Variants in USP33 observed in about 807,000 individuals in gnomAD.
USP33 encodes ubiquitin carboxyl-terminal hydrolase 33.
USP33 carries 46 observed loss-of-function variants against 124.2 expected under a neutral mutation model. That is an observed-to-expected ratio of 0.37 (90% CI 0.29 to 0.47). The LOEUF (loss-of-function observed/expected upper bound fraction) is 0.47, where lower values mean the gene tolerates loss of function less well. USP33 is among the 20% of genes least tolerant of loss of function. The probability of loss-of-function intolerance (pLI) is 0.99; values close to 1 mark genes in which losing one functional copy is unlikely to be tolerated. For missense variants in USP33, 851 were observed against 1,070.6 expected (o/e 0.79, Z 2.86); for synonymous variants, 350 against 352.3 (o/e 0.99, Z 0.07).
chr1:77,721,389 A>T (rs1676544180), intron 14 of USP33, 184 bp from the exon 15 acceptor site: 7 of 613,410 alleles, frequency 1.1e-5, no homozygotes, highest in Non-Finnish European at 2.0e-5. Context: ...TCCTGCCAAC[A>T]TTGAAGACCT....
Position 77,733,572 on chromosome 1 carries a change from A to C in USP33, c.524+775T>G, listed in dbSNP as rs552140925. On this transcript the variant is annotated intron_variant, in intron 7 of 23. Coordinates refer to ENST00000370794, the MANE Select transcript of USP33 (RefSeq NM_201624.3). ...TATTTGGGGAAGAAGTACAGCTTTAATATCCCTAATACAAAATACAAAATT... is the reference window on the plus strand; with the variant it reads ...TATTTGGGGAAGAAGTACAGCTTTACTATCCCTAATACAAAATACAAAATT... 5.9e-5 allele frequency among the ~76,000 whole-genome samples: 9 copies of C among 152,342 alleles called. No homozygotes were observed. In the South Asian group the frequency reaches 1.9e-3, roughly 32 times the overall value.
At position 77,728,419 on chromosome 1, in the gene USP33, C is replaced by T. The variant is rs1677408427; in HGVS notation, c.1011G>A (p.Met337Ile). ...EMSKDWQKEK[M>I]CNKINKVNSE... ...AATTTACTTTATTAATCTTATTGCA[C>T]ATCTTCTCTTTTTGCCAATCCTTTG... The change falls in exon 10 of 24, where the codon ATG becomes ATA. Residue 337 changes from methionine to isoleucine, a missense_variant. Met to Ile is a conservative substitution (Grantham distance 10, BLOSUM62 1). Coordinates refer to ENST00000370794, the MANE Select transcript of USP33 (RefSeq NM_201624.3). The T allele has an allele frequency of 6.2e-7, 1 of 1,613,936 alleles. No homozygotes were observed. The highest frequency in any genetic ancestry group is 1.7e-5 in the Admixed American group (1 of 59,998).
At chr1:77,716,332 T>C (rs1488119270) in intron 17 of USP33, among the ~76,000 whole-genome samples, 1 of 152,162 alleles carries the variant, frequency 6.6e-6, no homozygotes, top group African/African-American at 2.4e-5. Flanking sequence ...GGTGCTGGGA[T>C]TACAGGCATG....
intron 21 of USP33, among the ~76,000 whole-genome samples, chr1:77,709,334 C>T (rs900674827): frequency 1.3e-5 from 2 of 151,996 alleles, no homozygotes; most frequent in Admixed American, 6.6e-5. Flanking sequence ...GACAGCAAGA[C>T]ACTGTCTCTA....
intron 22 of USP33, among the ~76,000 whole-genome samples, 166 bp from the exon 23 acceptor site, chr1:77,698,097 G>A (rs373362885): frequency 4.1e-5 from 6 of 147,168 alleles, no homozygotes; most frequent in East Asian, 3.9e-4. Context: ...ATGGAGTCTC[G>A]CTCTGTTGCC....
chr1:77,705,336 A>T (rs1468930727), intron 21 of USP33, among the ~76,000 whole-genome samples: 2 of 151,872 alleles, frequency 1.3e-5, no homozygotes, highest in African/African-American at 4.8e-5. Context: ...CTGGGATTAC[A>T]GGCACCCGCC....
At chr1:77,727,019 T>G (rs542396188) in intron 10 of USP33, among the ~76,000 whole-genome samples, 9 of 152,184 alleles carry the variant, frequency 5.9e-5, no homozygotes, top group Non-Finnish European at 1.3e-4. Context: ...TTCCAGATAA[T>G]GCAAAATCAT....
In USP33 at chr1:77,704,013, G is replaced by C. The variant is rs970959911; in HGVS notation, c.2407-2542C>G. Among the ~76,000 whole-genome samples, 2 of 152,056 alleles carry C rather than the reference G, an allele frequency of 1.3e-5. 1 individual carries two copies. The highest frequency in any genetic ancestry group is 2.9e-5 in the Non-Finnish European group (2 of 68,020). Reference sequence around the variant, plus strand: ...CTATAGTCTCAGCTATTCATCAGGAGGCTGATGTGGAGGATCTCTTGAGCG... The same window carrying C: ...CTATAGTCTCAGCTATTCATCAGGACGCTGATGTGGAGGATCTCTTGAGCG... On this transcript the variant is annotated intron_variant, in intron 21 of 23. Coordinates refer to ENST00000370794, the MANE Select transcript of USP33 (RefSeq NM_201624.3).
At chr1:77,723,234 G>C in intron 12 of USP33, 97 bp downstream of exon 12, 1 of 897,910 alleles carries the variant, frequency 1.1e-6, no homozygotes, top group Non-Finnish European at 1.8e-6. Flanking sequence ...CTCATCAATA[G>C]CAAAGAGAAG....
At chr1:77,733,778 T>G (rs1385331665) in intron 7 of USP33, among the ~76,000 whole-genome samples, 1 of 152,192 alleles carries the variant, frequency 6.6e-6, no homozygotes, top group African/African-American at 2.4e-5. Flanking sequence ...GCATTTCATA[T>G]GAGGGATACT....
At chr1:77,702,453 A>G (rs1210955796) in intron 21 of USP33, among the ~76,000 whole-genome samples, 1 of 152,164 alleles carries the variant, frequency 6.6e-6, no homozygotes, top group Non-Finnish European at 1.5e-5. Context: ...TGCTATTACC[A>G]TGCTGCAATG....
Position 77,759,683 on chromosome 1 carries a change from A to C in USP33, c.-92T>G, listed in dbSNP as rs1681146152. 2 of 398,846 alleles carry C rather than the reference A, an allele frequency of 5.0e-6. No homozygotes were observed. The allele number at this position is 398,846 out of a possible 1,614,324, so 24.7% of individuals were successfully genotyped here. ...CGCGGGACCCGCCAGCTCGACCAAC[A>C]ACGGCCTGCAGCCGCACCTCCGCAA... is the stretch of plus-strand genomic sequence containing the variant. On this transcript the variant is annotated 5_prime_UTR_variant, in exon 1 of 24. Transcript: ENST00000370794.
intron 21 of USP33, 151 bp downstream of exon 21, chr1:77,711,596 C>T: frequency 8.0e-7 from 1 of 1,246,852 alleles, no homozygotes; most frequent in Non-Finnish European, 1.1e-6. Context: ...CTGTAGTGAA[C>T]TGCCTGAGGT....
chr1:77,715,600 C>T (rs1021880366), intron 18 of USP33, 142 bp downstream of exon 18: 1 of 904,072 alleles, frequency 1.1e-6, no homozygotes, highest in Admixed American at 2.9e-5. Context: ...CATATACAGC[C>T]TTTCACTGTA....
At chr1:77,710,879 C>G (rs1675173111) in intron 21 of USP33, among the ~76,000 whole-genome samples, 1 of 152,162 alleles carries the variant, frequency 6.6e-6, no homozygotes. Context: ...TTACTGACAA[C>G]AGTACTGCAG....
chr1:77,728,733 T>C, intron 9 of USP33, 21 bp from the exon 10 acceptor site: 2 of 1,598,564 alleles, frequency 1.3e-6, no homozygotes, highest in South Asian at 1.1e-5. Flanking sequence ...AGCAACATAA[T>C]GTTAACCACT....
At chr1:77,755,621 G>A (rs1175770531) in intron 1 of USP33, among the ~76,000 whole-genome samples, 4 of 152,294 alleles carry the variant, frequency 2.6e-5, no homozygotes, top group South Asian at 2.1e-4. Context: ...CTGCTTGAAC[G>A]CAGGAGGTGG....
intron 11 of USP33, among the ~76,000 whole-genome samples, 162 bp from the exon 12 acceptor site, chr1:77,723,605 A>G (rs1042876351): frequency 3.9e-5 from 6 of 152,314 alleles, no homozygotes; most frequent in Middle Eastern, 6.8e-3. Flanking sequence ...TCAAAAGAGC[A>G]TAAGTATTAA....
intron 1 of USP33, among the ~76,000 whole-genome samples, chr1:77,746,134 G>A (rs1219983703): frequency 1.3e-5 from 2 of 152,038 alleles, no homozygotes; most frequent in African/African-American, 4.8e-5. Flanking sequence ...TAGACCGCTA[G>A]CAAGACTAAT....
Sources: allele counts gnomAD v4.1 joint callset (sites outside exome capture counted in the v4.1 genomes callset), GRCh38; gene constraint gnomAD v4.1.1; transcripts MANE v1.5; gene names NCBI Gene and HGNC (gene_info 2026-07-23, HGNC 2026-07-21).